Variants in SLC27A6 observed in about 807,000 individuals in gnomAD.
SLC27A6 encodes solute carrier family 27 member 6.
A neutral mutation model predicts 63.9 loss-of-function variants in SLC27A6; 74 were observed. The observed-to-expected ratio is 1.16, with a 90% CI of 0.96 to 1.40. The LOEUF is 1.40. Among genes scored for constraint, SLC27A6 ranks in the 40% most tolerant of loss-of-function variants. The pLI is 0.00. For synonymous variants in SLC27A6, 287 were observed against 260.8 expected, an observed-to-expected ratio of 1.10 and a Z score of -0.97; for missense variants, 794 against 732.9, an observed-to-expected ratio of 1.08 and a Z score of -0.96.
intron 3 of SLC27A6, among the ~76,000 whole-genome samples, chr5:128,989,906 A>G (rs924587724): frequency 7.0e-6 from 1 of 143,864 alleles, no homozygotes; most frequent in African/African-American, 2.6e-5. Context: ...CCTGGATGAC[A>G]GGGTGAGACT....
chr5:129,008,010 T>C (rs1751601043), intron 4 of SLC27A6, among the ~76,000 whole-genome samples: 1 of 152,082 alleles, frequency 6.6e-6, no homozygotes, highest in African/African-American at 2.4e-5. Context: ...TTATAACTTT[T>C]AATGTATATA....
chr5:128,988,762 AG>A lies in SLC27A6; in HGVS notation c.844+6del. 6.3e-7 allele frequency: 1 copy of A among 1,597,464 alleles called. No homozygotes were observed. The highest frequency in any genetic ancestry group is 8.5e-7 in the Non-Finnish European group (1 of 1,174,830). ...ATTTCTGGATGTGTTGAGTTGGGTA[AG>A]GCTTTATTTTCTTTTTGATAAGTTT... On this transcript the variant is annotated splice_donor_5th_base_variant and intron_variant, in intron 3 of 9. Transcript: ENST00000262462.
chr5:129,020,342 C>G (rs1289836660), intron 5 of SLC27A6, among the ~76,000 whole-genome samples: 1 of 152,074 alleles, frequency 6.6e-6, no homozygotes, highest in Non-Finnish European at 1.5e-5. Context: ...TAAACCATAA[C>G]TTAGAAATGA....
chr5:128,971,493 A>T (rs1476557038), intron 1 of SLC27A6, among the ~76,000 whole-genome samples: 3 of 150,482 alleles, frequency 2.0e-5, no homozygotes, highest in Non-Finnish European at 4.5e-5. Flanking sequence ...TGTTGAATTG[A>T]TCCCTTTACC....
intron 4 of SLC27A6, among the ~76,000 whole-genome samples, chr5:129,007,780 T>C (rs1393650579): frequency 6.6e-6 from 1 of 152,086 alleles, no homozygotes; most frequent in Non-Finnish European, 1.5e-5. Context: ...TCTGTCCTAA[T>C]GAGATGCAAA....
rs538335757 is a variant in SLC27A6, at chr5:129,000,444, G to C, written c.969+9980G>C. ...AGCAAATAGAACAAGTCCAGTTGCT[G>C]GGATACTTGTGTGCTCATGACCAAC... On this transcript the variant is annotated intron_variant, in intron 4 of 9. Coordinates refer to ENST00000262462, the MANE Select transcript of SLC27A6 (RefSeq NM_001017372.3). 2.0e-5 allele frequency among the ~76,000 whole-genome samples: 3 copies of C among 152,236 alleles called. No homozygotes were observed. In the East Asian group the frequency reaches 5.8e-4, roughly 29 times the overall value.
chr5:128,981,835 A>G (rs975319667), intron 1 of SLC27A6, among the ~76,000 whole-genome samples: 2 of 57,932 alleles, frequency 3.5e-5, no homozygotes, highest in Non-Finnish European at 8.7e-5. Flanking sequence ...TTTTGTTAAG[A>G]TGGAGTCTCA....
At chr5:129,008,808 A>T (rs1294961005) in intron 4 of SLC27A6, among the ~76,000 whole-genome samples, 1 of 152,136 alleles carries the variant, frequency 6.6e-6, no homozygotes, top group African/African-American at 2.4e-5. Context: ...AAGGAAATCA[A>T]CAAGTGAGAG....
intron 9 of SLC27A6, among the ~76,000 whole-genome samples, chr5:129,031,591 A>G (rs1045152030): frequency 4.1e-4 from 63 of 152,092 alleles, no homozygotes; most frequent in Non-Finnish European, 2.4e-4. Context: ...AAGATGTATA[A>G]AGATTTTAAT....
Position 128,966,620 on chromosome 5 carries a change from T to G in SLC27A6, c.481+2T>G, listed in dbSNP as rs1580692417. ...CCAGAGCCCTAGTGGTGGGCGCAGG[T>G]AGAGTATGGGGTGTGGTCTGCCTAT... On this transcript the variant is annotated splice_donor_variant, in intron 1 of 9. Transcript: ENST00000262462. LOFTEE classifies it high-confidence loss of function. 1 of 1,513,486 alleles carries G rather than the reference T, an allele frequency of 6.6e-7. No individual in the cohort carries two copies. The highest frequency in any genetic ancestry group is 2.2e-5 in the Admixed American group (1 of 45,306). 93.8% of individuals were successfully genotyped at this position (1,513,486 alleles called of 1,614,324 possible).
intron 4 of SLC27A6, among the ~76,000 whole-genome samples, chr5:129,014,388 A>C (rs915436988): frequency 5.9e-5 from 9 of 152,172 alleles, no homozygotes; most frequent in African/African-American, 1.9e-4. Flanking sequence ...GCAGTGTCTT[A>C]TGGGAGCTGG....
At chr5:128,969,960 G>A (rs1462864991) in intron 1 of SLC27A6, among the ~76,000 whole-genome samples, 1 of 152,166 alleles carries the variant, frequency 6.6e-6, no homozygotes, top group Non-Finnish European at 1.5e-5. Flanking sequence ...TTTATTGAGA[G>A]TTTTTAGCAT....
chr5:129,005,204 G>A (rs1006082847), intron 4 of SLC27A6, among the ~76,000 whole-genome samples: 1 of 152,044 alleles, frequency 6.6e-6, no homozygotes, highest in Non-Finnish European at 1.5e-5. Flanking sequence ...TGCCCAATGT[G>A]TATAGGAAGC....
At chr5:128,974,031 G>C (rs1049864939) in intron 1 of SLC27A6, among the ~76,000 whole-genome samples, 1 of 152,168 alleles carries the variant, frequency 6.6e-6, no homozygotes, top group African/African-American at 2.4e-5. Context: ...CGTAAGTTCT[G>C]TTTACAAGGG....
At chr5:128,966,868 A>C (rs1474834262) in intron 1 of SLC27A6, among the ~76,000 whole-genome samples, 3 of 152,162 alleles carry the variant, frequency 2.0e-5, no homozygotes, top group Admixed American at 2.0e-4. Flanking sequence ...TTTTACTGCT[A>C]TTGGTTCCTT....
chr5:129,032,173 C>A (rs1294356241), intron 9 of SLC27A6, among the ~76,000 whole-genome samples: 1 of 151,980 alleles, frequency 6.6e-6, no homozygotes, highest in Non-Finnish European at 1.5e-5. Context: ...TGGGTCAAAA[C>A]AAATACCTAA....
Position 129,022,559 on chromosome 5 carries a change from CTTA to C in SLC27A6, c.1165-1052_1165-1050del, listed in dbSNP as rs531067689. On this transcript the variant is annotated intron_variant, in intron 5 of 9. Transcript: ENST00000262462. Reference sequence around the variant, plus strand: ...CCTGCTTTCCCCCCATTCATCTTTCCTTATTATTATTTTATCTCACTTCATTTT... The same window carrying C: ...CCTGCTTTCCCCCCATTCATCTTTCCTTATTATTTTATCTCACTTCATTTT... 3.5e-3 allele frequency among the ~76,000 whole-genome samples: 534 copies of C among 152,064 alleles called. 5 individuals are homozygous for C. Among genetic ancestry groups the C allele is most frequent in the African/African-American group, 0.013 (520 of 41,478 alleles).
chr5:128,966,228 T>A lies in SLC27A6; in HGVS notation c.91T>A (p.Phe31Ile). ...KLLFPYFWDD[F>I]WFVLKVVLII... is the part of the protein sequence containing the mutation. ...CCTGTTCCCTTACTTTTGGGATGAC[T>A]TCTGGTTCGTGTTGAAGGTGGTGCT... Residue 31 changes from phenylalanine (F) to isoleucine (I), a missense_variant, in exon 1 of 10, where the codon TTC becomes ATC. Physicochemically the swap from Phe to Ile is conservative, Grantham distance 21. Coordinates refer to ENST00000262462, the MANE Select transcript of SLC27A6 (RefSeq NM_001017372.3). 2 of 1,612,906 alleles carry A rather than the reference T, an allele frequency of 1.2e-6. No homozygotes were observed. Among genetic ancestry groups the A allele is most frequent in the Non-Finnish European group, 1.7e-6 (2 of 1,179,344 alleles).
At chr5:129,009,488 A>G (rs946667970) in intron 4 of SLC27A6, among the ~76,000 whole-genome samples, 1 of 152,228 alleles carries the variant, frequency 6.6e-6, no homozygotes, top group Non-Finnish European at 1.5e-5. Context: ...TTTTTAAAGT[A>G]TTGTAAAGAA....
Sources: allele counts gnomAD v4.1 joint callset (sites outside exome capture counted in the v4.1 genomes callset), GRCh38; gene constraint gnomAD v4.1.1; transcripts MANE v1.5; gene names NCBI Gene and HGNC (gene_info 2026-07-23, HGNC 2026-07-21).